The following IFT43 variants were observed in gnomAD, a reference collection of about 807,000 sequenced individuals.
IFT43 encodes intraflagellar transport protein 43 homolog.
A neutral mutation model predicts 32.3 loss-of-function variants in IFT43; 33 were observed. The observed-to-expected ratio is 1.02, with a 90% confidence interval of 0.77 to 1.37. The LOEUF is 1.37. Ranked by LOEUF, IFT43 falls within the 40% of genes most tolerant of loss-of-function variation. The probability of loss-of-function intolerance (pLI) is 0.00; values close to 1 mark genes in which losing one functional copy is unlikely to be tolerated. For missense variants in IFT43, 274 were observed against 265.9 expected (o/e 1.03, Z -0.21); for synonymous variants, 93 against 98.2 (o/e 0.95, Z 0.31).
rs574274987 is a variant in IFT43, at chr14:76,000,342, A to G, written c.147+11365A>G. On this transcript the variant is annotated intron_variant, in intron 2 of 8. Transcript: ENST00000314067. Reference sequence around the variant, plus strand: ...TGCAGTGGCACAATCTCGGCTCACCACAAGCTCCGCCTTCTGGATTCACGC... The same window carrying G: ...TGCAGTGGCACAATCTCGGCTCACCGCAAGCTCCGCCTTCTGGATTCACGC... Among the ~76,000 whole-genome samples, 293 of 141,298 alleles carry G rather than the reference A, an allele frequency of 2.1e-3. 1 individual carries two copies. Among genetic ancestry groups the G allele is most frequent in the South Asian group, 4.0e-3 (18 of 4,532 alleles). The allele number at this position is 141,298 out of a possible 152,430, so 92.7% of individuals were successfully genotyped here.
At chr14:76,050,265 A>T (rs775407899) in intron 3 of IFT43, among the ~76,000 whole-genome samples, 3 of 152,162 alleles carry the variant, frequency 2.0e-5, no homozygotes, top group Non-Finnish European at 4.4e-5. Context: ...AGAATGAGGG[A>T]TTGTGAACCT....
intron 3 of IFT43, among the ~76,000 whole-genome samples, chr14:76,046,853 C>T (rs1426696982): frequency 6.6e-6 from 1 of 152,168 alleles, no homozygotes; most frequent in Non-Finnish European, 1.5e-5. Flanking sequence ...CCAATTCCTG[C>T]TGCTATAACA....
intron 3 of IFT43, among the ~76,000 whole-genome samples, chr14:76,033,513 GCTT>G (rs2036545843): frequency 6.6e-6 from 1 of 152,152 alleles, no homozygotes; most frequent in African/African-American, 2.4e-5. Context: ...TTTTGGTTTG[GCTT>G]CTTTTTTTTT....
chr14:75,999,281 A>ATTTTTT (rs371670856), intron 2 of IFT43, among the ~76,000 whole-genome samples: 9 of 39,054 alleles, frequency 2.3e-4, no homozygotes, highest in Admixed American at 8.7e-4. Flanking sequence ...ATGTATATAT[A>ATTTTTT]TTTTTTTTTT....
chr14:76,002,371 G>A (rs922108830), intron 2 of IFT43, among the ~76,000 whole-genome samples: 1 of 152,152 alleles, frequency 6.6e-6, no homozygotes, highest in Non-Finnish European at 1.5e-5. Flanking sequence ...AGGTAAGGGG[G>A]GGGGTGGCAT....
intron 3 of IFT43, among the ~76,000 whole-genome samples, chr14:76,026,552 C>CAAAAA (rs58799745): frequency 1.2e-5 from 1 of 84,458 alleles, no homozygotes; most frequent in Non-Finnish European, 2.5e-5. Context: ...GAGTGAAACT[C>CAAAAA]AAAAAAAAAA....
At chr14:76,081,085 C>T (rs2037502291) in intron 5 of IFT43, among the ~76,000 whole-genome samples, 1 of 152,210 alleles carries the variant, frequency 6.6e-6, no homozygotes, top group Admixed American at 6.5e-5. Flanking sequence ...ACATCTGTGC[C>T]TCCACAGTCG....
Position 76,066,861 on chromosome 14 carries a change from C to T in IFT43, c.295+7488C>T, listed in dbSNP as rs556377387. 3.3e-5 allele frequency among the ~76,000 whole-genome samples: 5 copies of T among 152,276 alleles called. No homozygotes were observed. In the East Asian group the frequency reaches 7.7e-4, roughly 24 times the overall value. ...AAGAATAGAAATGAGGATCTAAGGT[C>T]AGGGCCCCTTCCCAGTAGACAGTCT... On this transcript the variant is annotated intron_variant, in intron 5 of 8. Coordinates refer to ENST00000314067, the MANE Select transcript of IFT43 (RefSeq NM_001102564.3).
intron 5 of IFT43, among the ~76,000 whole-genome samples, chr14:76,067,520 A>G (rs944740406): frequency 6.6e-6 from 1 of 152,044 alleles, no homozygotes; most frequent in Non-Finnish European, 1.5e-5. Flanking sequence ...CAGTGAGCCA[A>G]GATCGCACTA....
chr14:76,071,892 G>A (rs1025646968), intron 5 of IFT43, among the ~76,000 whole-genome samples: 3 of 152,110 alleles, frequency 2.0e-5, no homozygotes, highest in Non-Finnish European at 2.9e-5. Flanking sequence ...GGACTCAGAC[G>A]TGGTCTTTGT....
rs761046248 is a variant in IFT43 at position 76,076,557 on chromosome 14, G to A, written c.296-5738G>A. Reference sequence around the variant, plus strand: ...GGGTAGTGCTTGGGGTATACTCATTGCAAGCTGAGTCCAATCTAAGAAGTC... The same window carrying A: ...GGGTAGTGCTTGGGGTATACTCATTACAAGCTGAGTCCAATCTAAGAAGTC... On this transcript the variant is annotated intron_variant, in intron 5 of 8. Transcript: ENST00000314067. 5.6e-6 allele frequency: 9 copies of A among 1,612,600 alleles called. No homozygotes were observed. The African/African-American group carries it at 1.2e-4, about 22-fold the overall frequency.
chr14:76,044,048 T>C (rs1167258054), intron 3 of IFT43, among the ~76,000 whole-genome samples: 3 of 151,990 alleles, frequency 2.0e-5, no homozygotes. Flanking sequence ...TTTCTCTTTT[T>C]TTTTTGGTTT....
chr14:76,083,637 G>A lies in IFT43; in HGVS notation c.*60G>A. The A allele has an allele frequency of 1.3e-6, 2 of 1,551,036 alleles. No individual in the cohort carries two copies. The highest frequency in any genetic ancestry group is 1.8e-6 in the Non-Finnish European group (2 of 1,128,228). ...AATGAGCTTAAAGCTAAAGAAGCTT[G>A]TAAGCAGCTCCGAATTTTTACCTGG... On this transcript the variant is annotated 3_prime_UTR_variant, in exon 9 of 9. Transcript: ENST00000314067.
At chr14:76,028,528 C>T (rs893664996) in intron 3 of IFT43, among the ~76,000 whole-genome samples, 1 of 152,014 alleles carries the variant, frequency 6.6e-6, no homozygotes, top group African/African-American at 2.4e-5. Context: ...GGGTATGTTG[C>T]ATGATGCTGA....
rs151247063 is a variant in IFT43, at chr14:76,005,931, C to A, written c.148-16396C>A. Among the ~76,000 whole-genome samples the A allele has an allele frequency of 3.8e-3, 580 of 151,658 alleles. 2 individuals are homozygous for A. Among genetic ancestry groups the A allele is most frequent in the Non-Finnish European group, 4.9e-3 (335 of 67,932 alleles). ...TACATACTACTTTCCCATTATGTGC[C>A]AATTGCTTTTGGACTGTTTCAACAT... is the stretch of plus-strand genomic sequence containing the variant. On this transcript the variant is annotated intron_variant, in intron 2 of 8. Coordinates refer to ENST00000314067, the MANE Select transcript of IFT43 (RefSeq NM_001102564.3).
chr14:76,052,361 C>T (rs867021736), intron 3 of IFT43, among the ~76,000 whole-genome samples: 3 of 152,238 alleles, frequency 2.0e-5, no homozygotes, highest in South Asian at 4.2e-4. Context: ...AGCACATAAC[C>T]CATGTAGCAG....
chr14:76,026,453 G>A (rs867696447), intron 3 of IFT43, among the ~76,000 whole-genome samples: 7 of 150,958 alleles, frequency 4.6e-5, no homozygotes, highest in South Asian at 4.2e-4. Flanking sequence ...AGCTACTCAG[G>A]AGACCAAGGC....
chr14:76,064,530 C>A (rs1311154999), intron 5 of IFT43, among the ~76,000 whole-genome samples: 1 of 152,168 alleles, frequency 6.6e-6, no homozygotes, highest in Non-Finnish European at 1.5e-5. Context: ...GATTCTAGAG[C>A]CTCTGGTTTG....
intron 3 of IFT43, among the ~76,000 whole-genome samples, chr14:76,026,373 A>G (rs2036394564): frequency 6.6e-6 from 1 of 152,110 alleles, no homozygotes; most frequent in Admixed American, 6.6e-5. Flanking sequence ...AGCCTGACCG[A>G]CATGGAGAAT....
Sources: gnomAD v4.1 joint callset for allele counts (sites outside exome capture counted in the v4.1 genomes callset) on GRCh38, gnomAD v4.1.1 for gene constraint, MANE v1.5 for transcripts, NCBI Gene and HGNC (gene_info 2026-07-23, HGNC 2026-07-21) for gene names.